ADAMTS12: variants seen among roughly 807,000 people sequenced by gnomAD.
ADAMTS12 encodes the protein A disintegrin and metalloproteinase with thrombospondin motifs 12.
Under a neutral mutation model 167.8 loss-of-function variants are expected in ADAMTS12, and 118 were observed. The ratio of observed to expected loss-of-function variants is 0.70; its 90% CI spans 0.61 to 0.82. The LOEUF (loss-of-function observed/expected upper bound fraction) is 0.82. ADAMTS12 is among the 40% of genes least tolerant of loss of function. The probability of loss-of-function intolerance (pLI) is 0.00; values close to 1 mark genes in which losing one functional copy is unlikely to be tolerated. For synonymous variants in ADAMTS12, 704 were observed against 716.9 expected (o/e 0.98, Z 0.29); for missense variants, 1,916 against 1,998.8 (o/e 0.96, Z 0.79).
intron 22 of ADAMTS12, among the ~76,000 whole-genome samples, chr5:33,543,765 T>C (rs896940638): frequency 2.0e-5 from 3 of 152,162 alleles, no homozygotes; most frequent in African/African-American, 2.4e-5. Flanking sequence ...AAAAACCACA[T>C]GATTGTCTCA....
intron 1 of ADAMTS12, among the ~76,000 whole-genome samples, chr5:33,885,402 G>A (rs148409440): frequency 6.6e-6 from 1 of 152,226 alleles, no homozygotes; most frequent in African/African-American, 2.4e-5. Context: ...CCGGGAGGCC[G>A]AGTTTACGGT....
chr5:33,830,339 T>C (rs769951223), intron 2 of ADAMTS12, among the ~76,000 whole-genome samples: 9 of 152,142 alleles, frequency 5.9e-5, no homozygotes, highest in Non-Finnish European at 1.3e-4. Context: ...ATATCACAAT[T>C]TGATATAAGA....
Position 33,673,554 on chromosome 5 carries a change from C to T in ADAMTS12, c.915+9464G>A, listed in dbSNP as rs561986586. Among the ~76,000 whole-genome samples the T allele has an allele frequency of 7.9e-5, 12 of 152,282 alleles. No individual in the cohort carries two copies. In the South Asian group the frequency reaches 2.5e-3, roughly 32 times the overall value. ...GCTGCTAATTTTACCTCCTCTACAT[C>T]TTTGCTACCTACTGTCCTTAGCCCA... On this transcript the variant is annotated intron_variant, in intron 5 of 23. Coordinates refer to ENST00000504830, the MANE Select transcript of ADAMTS12 (RefSeq NM_030955.4).
At chr5:33,841,965 AC>A (rs760763035) in intron 2 of ADAMTS12, among the ~76,000 whole-genome samples, 6 of 152,218 alleles carry the variant, frequency 3.9e-5, no homozygotes, top group Non-Finnish European at 8.8e-5. Context: ...ACACCCTGAC[AC>A]ATCTTCATTT....
At chr5:33,535,194 T>C (rs1046710670) in intron 22 of ADAMTS12, among the ~76,000 whole-genome samples, 1 of 152,242 alleles carries the variant, frequency 6.6e-6, no homozygotes, top group African/African-American at 2.4e-5. Context: ...GTTGTGTGGA[T>C]TGAATCTGAC....
At chr5:33,740,221 T>C (rs1744515326) in intron 3 of ADAMTS12, among the ~76,000 whole-genome samples, 1 of 152,186 alleles carries the variant, frequency 6.6e-6, no homozygotes. Flanking sequence ...TGACTGTATA[T>C]AAGCAAGACT....
chr5:33,641,317 G>A (rs10076809), intron 11 of ADAMTS12, among the ~76,000 whole-genome samples: 1 of 152,178 alleles, frequency 6.6e-6, no homozygotes, highest in Non-Finnish European at 1.5e-5. Flanking sequence ...AATCCTTATC[G>A]AAAAATATTA....
intron 23 of ADAMTS12, among the ~76,000 whole-genome samples, chr5:33,529,277 T>A (rs1486936871): frequency 6.6e-6 from 1 of 152,180 alleles, no homozygotes; most frequent in African/African-American, 2.4e-5. Flanking sequence ...GCTTTTCCCA[T>A]ACATGAGTCA....
chr5:33,871,298 G>C (rs1390965717), intron 2 of ADAMTS12, among the ~76,000 whole-genome samples: 1 of 152,060 alleles, frequency 6.6e-6, no homozygotes, highest in Non-Finnish European at 1.5e-5. Flanking sequence ...TAAATTCGAT[G>C]CAATCTCTTC....
chr5:33,759,412 T>A (rs114455758), intron 2 of ADAMTS12, among the ~76,000 whole-genome samples: 4,231 of 152,342 alleles, frequency 0.028, 77 homozygotes, highest in Middle Eastern at 0.048. Flanking sequence ...TAACAAGCAG[T>A]TTTTGCTTTG....
In ADAMTS12 at chr5:33,684,042, G is replaced by A. The variant is rs759920289; in HGVS notation, c.648C>T (p.Ile216=). ...PTCGLKDSVN[I]SQKQELWREK... is the part of the protein sequence containing the mutation. ...CCCGCCATAGCTCTTGCTTCTGGGA[G>A]ATGTTAACACTGTCTAAACAGTAAA... Residue 216 remains isoleucine (I), a synonymous_variant, in exon 4 of 24, where the codon ATC becomes ATT. Transcript: ENST00000504830. 18 of 1,597,786 alleles carry A rather than the reference G, an allele frequency of 1.1e-5. No homozygotes were observed. The highest frequency in any genetic ancestry group is 1.7e-5 in the Admixed American group (1 of 58,614).
At chr5:33,631,514 T>A (rs1739932085) in intron 12 of ADAMTS12, among the ~76,000 whole-genome samples, 1 of 152,188 alleles carries the variant, frequency 6.6e-6, no homozygotes, top group Admixed American at 6.5e-5. Flanking sequence ...CTTATCATAG[T>A]GATCCATCCC....
At chr5:33,781,123 C>T (rs1021134818) in intron 2 of ADAMTS12, among the ~76,000 whole-genome samples, 3 of 152,030 alleles carry the variant, frequency 2.0e-5, no homozygotes, top group South Asian at 4.1e-4. Context: ...TTCTTTCAGA[C>T]TTTATGCTGT....
At chr5:33,647,957 G>A (rs4635933) in intron 9 of ADAMTS12, among the ~76,000 whole-genome samples, 86,015 of 152,058 alleles carry the variant, frequency 0.57, 24,996 homozygotes, top group East Asian at 0.67. Context: ...TCCACCATGA[G>A]CTCCTCGAGG....
intron 2 of ADAMTS12, among the ~76,000 whole-genome samples, chr5:33,820,137 G>A (rs1236041476): frequency 1.3e-5 from 2 of 152,248 alleles, no homozygotes; most frequent in African/African-American, 4.8e-5. Context: ...TAGGGACTGG[G>A]TTATATAATT....
intron 2 of ADAMTS12, among the ~76,000 whole-genome samples, chr5:33,837,093 G>A (rs1156898783): frequency 6.6e-6 from 1 of 152,136 alleles, no homozygotes; most frequent in Non-Finnish European, 1.5e-5. Context: ...GGGGGACTTA[G>A]CACACCAGAC....
At chr5:33,809,491 TTTG>T (rs1747367313) in intron 2 of ADAMTS12, among the ~76,000 whole-genome samples, 1 of 152,152 alleles carries the variant, frequency 6.6e-6, no homozygotes, top group African/African-American at 2.4e-5. Flanking sequence ...TTTATCTATC[TTTG>T]TTGTGTTCTA....
chr5:33,858,532 C>T (rs1320609534), intron 2 of ADAMTS12, among the ~76,000 whole-genome samples: 1 of 151,994 alleles, frequency 6.6e-6, no homozygotes, highest in Non-Finnish European at 1.5e-5. Flanking sequence ...GTGTTGCACA[C>T]CAGTAGTCGC....
At chr5:33,536,972 A>AATAT (rs1415053762) in intron 22 of ADAMTS12, among the ~76,000 whole-genome samples, 1 of 152,204 alleles carries the variant, frequency 6.6e-6, no homozygotes, top group Admixed American at 6.5e-5. Flanking sequence ...CTAGTCCTGA[A>AATAT]ATATATCCAG....
Sources: gnomAD v4.1 joint callset for allele counts (sites outside exome capture counted in the v4.1 genomes callset) on GRCh38, gnomAD v4.1.1 for gene constraint, MANE v1.5 for transcripts, NCBI Gene and HGNC (gene_info 2026-07-23, HGNC 2026-07-21) for gene names.